Variants in GABRG2 observed in about 807,000 individuals in gnomAD.
GABRG2 encodes the protein gamma-aminobutyric acid type A receptor subunit gamma2.
GABRG2 carries 16 observed loss-of-function variants against 56.4 expected under a neutral mutation model. The ratio of observed to expected loss-of-function variants is 0.28; its 90% CI spans 0.19 to 0.43. GABRG2 has a LOEUF of 0.43. Ranked by LOEUF, GABRG2 falls within the 20% of genes least tolerant of loss-of-function variation. GABRG2 has a pLI of 1.00. For synonymous variants in GABRG2, 208 were observed against 205.5 expected, an observed-to-expected ratio of 1.01 and a Z score of -0.10; for missense variants, 327 against 582.7, an observed-to-expected ratio of 0.56 and a Z score of 4.52.
rs1381473236 is a variant in GABRG2 at position 162,119,895 on chromosome 5, T to C, written c.769+15869T>C. The stretch of plus-strand genomic sequence containing the variant: ...TCATAATGCTGTTTAAGAGCTATTG[T>C]AGTTCTTAATTGTGACGGTTTCAGG... On this transcript the variant is annotated intron_variant, in intron 6 of 9. Coordinates refer to ENST00000639213, the MANE Select transcript of GABRG2 (RefSeq NM_198904.4). Among the ~76,000 whole-genome samples, 5 of 152,162 alleles carry C rather than the reference T, an allele frequency of 3.3e-5. 1 individual carries two copies. The highest frequency in any genetic ancestry group is 4.1e-4 in the South Asian group (2 of 4,834).
chr5:162,109,943 C>T (rs867572000), intron 6 of GABRG2, among the ~76,000 whole-genome samples: 1 of 152,034 alleles, frequency 6.6e-6, no homozygotes, highest in Non-Finnish European at 1.5e-5. Flanking sequence ...CACATTTCTC[C>T]CAAATCAGAA....
intron 1 of GABRG2, among the ~76,000 whole-genome samples, chr5:162,073,589 A>T (rs1347592492): frequency 2.0e-5 from 3 of 151,956 alleles, no homozygotes; most frequent in Non-Finnish European, 4.4e-5. Context: ...ACAACTTCAT[A>T]TTTGGATATG....
intron 6 of GABRG2, among the ~76,000 whole-genome samples, chr5:162,127,408 C>G (rs753232521): frequency 1.1e-4 from 16 of 151,804 alleles, no homozygotes; most frequent in Non-Finnish European, 2.4e-4. Flanking sequence ...ATATGGTATG[C>G]TCTAGTATAT....
intron 6 of GABRG2, among the ~76,000 whole-genome samples, chr5:162,118,877 G>A (rs1256290347): frequency 6.6e-6 from 1 of 152,094 alleles, no homozygotes; most frequent in Non-Finnish European, 1.5e-5. Flanking sequence ...AAGGCTAAAT[G>A]TGGAAAGGAA....
chr5:162,089,387 T>C (rs944412264), intron 1 of GABRG2, among the ~76,000 whole-genome samples: 1 of 152,064 alleles, frequency 6.6e-6, no homozygotes, highest in Non-Finnish European at 1.5e-5. Context: ...GGAAGGAATA[T>C]TTATGAGATG....
chr5:162,079,247 C>A (rs1405877321), intron 1 of GABRG2, among the ~76,000 whole-genome samples: 5 of 152,116 alleles, frequency 3.3e-5, no homozygotes, highest in African/African-American at 1.2e-4. Flanking sequence ...CCAAGCATCA[C>A]AGTAAATTCT....
At chr5:162,082,896 C>T (rs376771914) in intron 1 of GABRG2, among the ~76,000 whole-genome samples, 3 of 151,596 alleles carry the variant, frequency 2.0e-5, no homozygotes, top group Admixed American at 6.6e-5. Context: ...TATAAAGAGT[C>T]GATGAAAACT....
chr5:162,101,865 C>T (rs1761445632), intron 5 of GABRG2: 1 of 156,532 alleles, frequency 6.4e-6, no homozygotes, highest in Admixed American at 6.2e-5. Flanking sequence ...GATGATCTAA[C>T]ACAGATTATG....
chr5:162,145,083 G>A (rs984587010), intron 7 of GABRG2, among the ~76,000 whole-genome samples: 4 of 152,160 alleles, frequency 2.6e-5, no homozygotes, highest in African/African-American at 9.7e-5. Context: ...TAAATGAGAG[G>A]ACCTTAAGCA....
intron 1 of GABRG2, among the ~76,000 whole-genome samples, chr5:162,075,409 C>G (rs539730644): frequency 1.3e-5 from 2 of 152,088 alleles, no homozygotes; most frequent in Non-Finnish European, 2.9e-5. Flanking sequence ...CCTTGTACTC[C>G]TAAGTCCTCT....
chr5:162,151,490 T>C, intron 8 of GABRG2: 1 of 471,910 alleles, frequency 2.1e-6, no homozygotes, highest in Non-Finnish European at 3.7e-6. Flanking sequence ...TTCAGTCAAG[T>C]AATTGTAGAT....
chr5:162,152,635 A>G, intron 9 of GABRG2: 1 of 278,548 alleles, frequency 3.6e-6, no homozygotes, highest in Non-Finnish European at 6.9e-6. Context: ...CATTTAATAC[A>G]TTTGCTCAGA....
At chr5:162,086,206 A>G (rs992814208) in intron 1 of GABRG2, among the ~76,000 whole-genome samples, 9 of 151,836 alleles carry the variant, frequency 5.9e-5, no homozygotes, top group Non-Finnish European at 1.2e-4. Flanking sequence ...TAATTGTTAC[A>G]TGGGCACATA....
intron 8 of GABRG2, chr5:162,150,542 C>T (rs760887607): frequency 4.6e-5 from 7 of 152,158 alleles, no homozygotes; most frequent in Non-Finnish European, 5.9e-5. Flanking sequence ...CATAGAAATC[C>T]CCATGAAAGT....
intron 6 of GABRG2, among the ~76,000 whole-genome samples, chr5:162,111,916 G>A (rs1762279287): frequency 6.6e-6 from 1 of 152,054 alleles, no homozygotes; most frequent in African/African-American, 2.4e-5. Context: ...TAACCTGTAG[G>A]AATACCAATT....
chr5:162,075,932 C>T (rs543883346), intron 1 of GABRG2, among the ~76,000 whole-genome samples: 7 of 151,842 alleles, frequency 4.6e-5, no homozygotes, highest in Admixed American at 1.3e-4. Context: ...GCAGGAGGAT[C>T]GCTTGTGCCC....
At chr5:162,104,704 TCTTA>T (rs1335997748) in intron 6 of GABRG2, among the ~76,000 whole-genome samples, 4 of 152,188 alleles carry the variant, frequency 2.6e-5, no homozygotes, top group African/African-American at 9.6e-5. Context: ...CATTAGTAGC[TCTTA>T]CTAATATTAA....
intron 1 of GABRG2, among the ~76,000 whole-genome samples, 181 bp downstream of exon 1, chr5:162,068,287 C>G (rs969888601): frequency 6.6e-6 from 1 of 151,878 alleles, no homozygotes. Flanking sequence ...AGGTCACTTT[C>G]GTTAATGTAT....
intron 6 of GABRG2, among the ~76,000 whole-genome samples, chr5:162,126,864 C>A (rs1477737180): frequency 6.6e-6 from 1 of 152,002 alleles, no homozygotes; most frequent in Non-Finnish European, 1.5e-5. Context: ...CTGGAACTCT[C>A]TTATTTATCC....
Sources: gnomAD v4.1 joint callset for allele counts (sites outside exome capture counted in the v4.1 genomes callset) on GRCh38, gnomAD v4.1.1 for gene constraint, MANE v1.5 for transcripts, NCBI Gene and HGNC (gene_info 2026-07-23, HGNC 2026-07-21) for gene names.